The following DPYD variants were observed in gnomAD, a reference collection of about 807,000 sequenced individuals.
DPYD encodes dihydropyrimidine dehydrogenase, also known as dihydropyrimidine dehydrogenase [NADP(+)].
In DPYD, 109 loss-of-function variants were observed where a neutral mutation model predicts 116.2. That is an observed-to-expected ratio of 0.94 (90% CI 0.80 to 1.10). The LOEUF (loss-of-function observed/expected upper bound fraction) is 1.10, where lower values mean the gene tolerates loss of function less well. DPYD is among the 50% of genes least tolerant of loss of function. DPYD has a pLI of 0.00. For missense variants in DPYD, 1,302 were observed against 1,254.5 expected (o/e 1.04, Z -0.57); for synonymous variants, 440 against 432.0 (o/e 1.02, Z -0.23).
chr1:97,754,654 G>C (rs566201047), intron 3 of DPYD, among the ~76,000 whole-genome samples: 2 of 152,276 alleles, frequency 1.3e-5, no homozygotes, highest in East Asian at 3.9e-4. Flanking sequence ...TATTTTCTGA[G>C]ATTTTGCTAA....
At chr1:97,798,417 A>G (rs1244103327) in intron 3 of DPYD, among the ~76,000 whole-genome samples, 1 of 152,062 alleles carries the variant, frequency 6.6e-6, no homozygotes, top group East Asian at 1.9e-4. Context: ...AGTTTCTGCT[A>G]TTATGAATTT....
intron 14 of DPYD, among the ~76,000 whole-genome samples, chr1:97,425,108 GATTA>G (rs1480775100): frequency 6.6e-6 from 1 of 151,944 alleles, no homozygotes; most frequent in South Asian, 2.1e-4. Flanking sequence ...TTTTAGAAAG[GATTA>G]ATTAATTTGA....
intron 8 of DPYD, among the ~76,000 whole-genome samples, chr1:97,662,999 C>T (rs1449491170): frequency 6.6e-6 from 1 of 152,136 alleles, no homozygotes; most frequent in Non-Finnish European, 1.5e-5. Flanking sequence ...GTGCCAATTT[C>T]AGTGAAAAGG....
chr1:97,531,701 G>C lies in DPYD; in HGVS notation c.1525-15760C>G, dbSNP rs12047569. Reference sequence around the variant, plus strand: ...TTTTGATAAGGATTTCATTGAATCTGTACATTGCTTTAGGTGAAATGGATA... The same window carrying C: ...TTTTGATAAGGATTTCATTGAATCTCTACATTGCTTTAGGTGAAATGGATA... On this transcript the variant is annotated intron_variant, in intron 12 of 22. Coordinates refer to ENST00000370192, the MANE Select transcript of DPYD (RefSeq NM_000110.4). Among the ~76,000 whole-genome samples the C allele has an allele frequency of 4.6e-5, 7 of 152,184 alleles. No homozygotes were observed. In the East Asian group the frequency reaches 9.6e-4, roughly 21 times the overall value.
intron 8 of DPYD, among the ~76,000 whole-genome samples, chr1:97,605,334 C>A (rs563932310): frequency 2.4e-4 from 36 of 152,010 alleles, no homozygotes; most frequent in African/African-American, 7.2e-4. Flanking sequence ...GTGGGAGGGA[C>A]CTGGTGGGAG....
chr1:97,203,070 A>C (rs1251421627), intron 19 of DPYD, among the ~76,000 whole-genome samples: 1 of 152,108 alleles, frequency 6.6e-6, no homozygotes, highest in Non-Finnish European at 1.5e-5. Flanking sequence ...CTGCAGTTTG[A>C]GGAAGCTTGG....
At chr1:97,541,435 T>C (rs187411337) in intron 12 of DPYD, among the ~76,000 whole-genome samples, 1,942 of 152,250 alleles carry the variant, frequency 0.013, 24 homozygotes, top group Non-Finnish European at 0.021. Context: ...AAAATTGCAT[T>C]GTATGATTCT....
At chr1:97,445,900 T>G (rs1676059172) in intron 14 of DPYD, among the ~76,000 whole-genome samples, 1 of 152,086 alleles carries the variant, frequency 6.6e-6, no homozygotes, top group Admixed American at 6.5e-5. Flanking sequence ...TAATTTTTTG[T>G]ATTTTTAGTA....
At chr1:97,499,368 A>G (rs1679448855) in intron 13 of DPYD, among the ~76,000 whole-genome samples, 1 of 151,742 alleles carries the variant, frequency 6.6e-6, no homozygotes, top group Non-Finnish European at 1.5e-5. Flanking sequence ...TTTTACATCC[A>G]TTTTTATGTC....
chr1:97,795,642 T>A (rs989570428), intron 3 of DPYD, among the ~76,000 whole-genome samples: 1 of 152,106 alleles, frequency 6.6e-6, no homozygotes, highest in Middle Eastern at 3.4e-3. Context: ...ATATTTCACA[T>A]GTACTCACCA....
At chr1:97,617,783 C>CA (rs993949322) in intron 8 of DPYD, among the ~76,000 whole-genome samples, 19 of 152,310 alleles carry the variant, frequency 1.2e-4, no homozygotes, top group African/African-American at 4.3e-4. Flanking sequence ...TGCAGAAACT[C>CA]AGACTCCACC....
intron 13 of DPYD, among the ~76,000 whole-genome samples, chr1:97,470,297 AG>A (rs767586252): frequency 6.6e-5 from 10 of 152,200 alleles, no homozygotes; most frequent in Non-Finnish European, 1.0e-4. Flanking sequence ...TTTCCTCATT[AG>A]TAAAATGAAG....
chr1:97,192,818 G>A (rs1379684211), intron 20 of DPYD, among the ~76,000 whole-genome samples: 2 of 152,158 alleles, frequency 1.3e-5, no homozygotes, highest in Non-Finnish European at 2.9e-5. Flanking sequence ...AGAATTTGGA[G>A]GCACTTTACA....
intron 13 of DPYD, among the ~76,000 whole-genome samples, chr1:97,482,545 A>G (rs1304717000): frequency 6.6e-6 from 1 of 152,220 alleles, no homozygotes; most frequent in Non-Finnish European, 1.5e-5. Flanking sequence ...TCAGGTACAC[A>G]TGGCTAAAGA....
At chr1:97,789,300 G>A (rs528081859) in intron 3 of DPYD, among the ~76,000 whole-genome samples, 1 of 152,190 alleles carries the variant, frequency 6.6e-6, no homozygotes, top group East Asian at 1.9e-4. Context: ...TATTTCAGAA[G>A]CAAATATAAC....
chr1:97,753,815 G>C (rs776005427), intron 3 of DPYD, among the ~76,000 whole-genome samples: 2 of 151,368 alleles, frequency 1.3e-5, no homozygotes, highest in Non-Finnish European at 1.5e-5. Flanking sequence ...AGGCATAATA[G>C]ATACAATAAA....
chr1:97,182,810 T>A (rs1419597889), intron 20 of DPYD, among the ~76,000 whole-genome samples: 1 of 152,174 alleles, frequency 6.6e-6, no homozygotes, highest in Non-Finnish European at 1.5e-5. Context: ...TGCAAGAGCC[T>A]ACCAGCAGGT....
At chr1:97,178,480 G>GA (rs1297530559) in intron 20 of DPYD, among the ~76,000 whole-genome samples, 2 of 152,120 alleles carry the variant, frequency 1.3e-5, no homozygotes, top group Admixed American at 1.3e-4. Context: ...AGTGAAGAGG[G>GA]AAGAGCCCCT....
chr1:97,349,808 C>T (rs866275988), intron 16 of DPYD, among the ~76,000 whole-genome samples: 90 of 152,024 alleles, frequency 5.9e-4, no homozygotes, highest in African/African-American at 2.0e-3. Flanking sequence ...AATAAATATA[C>T]GTGTGCATGT....
Sources: allele counts gnomAD v4.1 joint callset (sites outside exome capture counted in the v4.1 genomes callset), GRCh38; gene constraint gnomAD v4.1.1; transcripts MANE v1.5; gene names NCBI Gene and HGNC (gene_info 2026-07-23, HGNC 2026-07-21).